Variants in PBX1 observed in about 807,000 individuals in gnomAD.
PBX1 encodes pre-B-cell leukemia transcription factor 1.
PBX1 carries 6 observed loss-of-function variants against 53.4 expected under a neutral mutation model. The ratio of observed to expected loss-of-function variants is 0.11; its 90% CI spans 0.06 to 0.22. The LOEUF is 0.22. Ranked by LOEUF, PBX1 falls within the 10% of genes least tolerant of loss-of-function variation. The pLI, the probability that PBX1 is intolerant of heterozygous loss-of-function variation, is 1.00. For synonymous variants in PBX1, 204 were observed against 212.3 expected, an observed-to-expected ratio of 0.96 and a Z score of 0.34; for missense variants, 251 against 551.4, an observed-to-expected ratio of 0.46 and a Z score of 5.46.
intron 2 of PBX1, among the ~76,000 whole-genome samples, chr1:164,607,338 A>AT (rs997062314): frequency 4.6e-5 from 7 of 152,150 alleles, no homozygotes; most frequent in Non-Finnish European, 1.0e-4. Context: ...TTAAAAAGCT[A>AT]TTTTTGCGAT....
intron 8 of PBX1, among the ~76,000 whole-genome samples, chr1:164,844,111 C>CT (rs1252672438): frequency 5.8e-5 from 7 of 119,920 alleles, no homozygotes; most frequent in Admixed American, 2.4e-4. Flanking sequence ...TTCTTTCTTT[C>CT]TTTCTTTTTT....
chr1:164,655,100 G>GTTTTTTTTTTTTTTTTTTTTTTT (rs35954587), intron 2 of PBX1, among the ~76,000 whole-genome samples: 3 of 138,822 alleles, frequency 2.2e-5, no homozygotes, highest in Non-Finnish European at 3.1e-5. Context: ...TCTGATGTGT[G>GTTTTTTTTTTTTTTTTTTTTTTT]TTTTTTTTTT....
intron 2 of PBX1, chr1:164,684,861 CT>C (rs1662009388): frequency 6.6e-6 from 1 of 152,188 alleles, no homozygotes; most frequent in Non-Finnish European, 1.5e-5. Flanking sequence ...TTTGCTTGCA[CT>C]CATTTCCATA....
At chr1:164,736,784 G>A (rs1316834319) in intron 2 of PBX1, among the ~76,000 whole-genome samples, 1 of 152,126 alleles carries the variant, frequency 6.6e-6, no homozygotes, top group African/African-American at 2.4e-5. Context: ...AAAAATCAGA[G>A]GGAGAATCAA....
intron 2 of PBX1, among the ~76,000 whole-genome samples, chr1:164,763,700 G>A (rs755998582): frequency 2.6e-5 from 4 of 152,162 alleles, no homozygotes; most frequent in Non-Finnish European, 5.9e-5. Context: ...AATCTTGATC[G>A]TATTAATAAA....
chr1:164,799,579 A>G (rs765630264), intron 3 of PBX1, 120 bp from the exon 4 acceptor site: 2 of 799,690 alleles, frequency 2.5e-6, no homozygotes, highest in Non-Finnish European at 3.9e-6. Context: ...ACCACAAACT[A>G]TCCTAGTTTT....
chr1:164,750,972 C>T (rs894354686), intron 2 of PBX1, among the ~76,000 whole-genome samples: 1 of 152,118 alleles, frequency 6.6e-6, no homozygotes, highest in Non-Finnish European at 1.5e-5. Flanking sequence ...GGATCCCCAA[C>T]ATTTCCAGGG....
chr1:164,606,664 T>C (rs1430082579), intron 2 of PBX1, among the ~76,000 whole-genome samples: 2 of 152,328 alleles, frequency 1.3e-5, no homozygotes, highest in South Asian at 2.1e-4. Flanking sequence ...GAACATAAGC[T>C]CCATGATGGC....
At chr1:164,739,328 G>A (rs1161432434) in intron 2 of PBX1, among the ~76,000 whole-genome samples, 7 of 152,186 alleles carry the variant, frequency 4.6e-5, no homozygotes, top group African/African-American at 9.7e-5. Context: ...CAAGAAATAC[G>A]TGGTTGTGGG....
At chr1:164,769,904 A>G (rs1667277571) in intron 2 of PBX1, 1 of 152,244 alleles carries the variant, frequency 6.6e-6, no homozygotes, top group South Asian at 2.1e-4. Context: ...CTGACTTGAG[A>G]CCAGTACATC....
chr1:164,723,752 G>A (rs1664532150), intron 2 of PBX1, among the ~76,000 whole-genome samples: 1 of 152,198 alleles, frequency 6.6e-6, no homozygotes, highest in East Asian at 1.9e-4. Context: ...TGTCTCTCAG[G>A]CAGCTGGTGA....
chr1:164,579,086 A>G (rs1344381411), intron 2 of PBX1, among the ~76,000 whole-genome samples: 4 of 152,156 alleles, frequency 2.6e-5, no homozygotes, highest in African/African-American at 9.7e-5. Flanking sequence ...AGCTTAAGCT[A>G]CATGGTCTGC....
At chr1:164,655,698 A>G (rs1266181677) in intron 2 of PBX1, among the ~76,000 whole-genome samples, 4 of 152,166 alleles carry the variant, frequency 2.6e-5, no homozygotes, top group Non-Finnish European at 4.4e-5. Context: ...CTTGACTGCA[A>G]TCATTTGTTT....
intron 2 of PBX1, among the ~76,000 whole-genome samples, chr1:164,579,591 G>A (rs538466200): frequency 6.6e-6 from 1 of 152,172 alleles, no homozygotes; most frequent in South Asian, 2.1e-4. Flanking sequence ...TCTGACTCTT[G>A]GAACACACAG....
intron 2 of PBX1, among the ~76,000 whole-genome samples, chr1:164,740,301 A>C (rs1665536135): frequency 6.6e-6 from 1 of 152,188 alleles, no homozygotes. Context: ...ACTTGATGCC[A>C]TATACTTTAT....
chr1:164,575,514 T>C (rs2101723884), intron 2 of PBX1, among the ~76,000 whole-genome samples: 1 of 152,340 alleles, frequency 6.6e-6, no homozygotes, highest in South Asian at 2.1e-4. Context: ...CTGAGGGCGT[T>C]AGGTGATTTG....
intron 2 of PBX1, among the ~76,000 whole-genome samples, chr1:164,609,528 C>T (rs752073253): frequency 9.9e-5 from 15 of 152,154 alleles, no homozygotes; most frequent in Non-Finnish European, 7.3e-5. Flanking sequence ...TGTCCTCCAT[C>T]CCCTCAAATC....
chr1:164,794,668 T>A (rs1372864829), intron 3 of PBX1, among the ~76,000 whole-genome samples: 1 of 152,194 alleles, frequency 6.6e-6, no homozygotes, highest in African/African-American at 2.4e-5. Flanking sequence ...ATTTGCAGTC[T>A]GCTCTAACCT....
chr1:164,879,636 C>T (rs1672598204), intron 2 of PBX1, among the ~76,000 whole-genome samples: 1 of 152,120 alleles, frequency 6.6e-6, no homozygotes, highest in Non-Finnish European at 1.5e-5. Flanking sequence ...GATGGGATCA[C>T]CAAGGGAGCA....
Sources: gnomAD v4.1 joint callset for allele counts (sites outside exome capture counted in the v4.1 genomes callset) on GRCh38, gnomAD v4.1.1 for gene constraint, MANE v1.5 for transcripts, NCBI Gene and HGNC (gene_info 2026-07-23, HGNC 2026-07-21) for gene names.